ANKRD31: variants seen among roughly 807,000 people sequenced by gnomAD.
ANKRD31 encodes ankyrin repeat domain-containing protein 31.
A neutral mutation model predicts 186.0 loss-of-function variants in ANKRD31; 147 were observed. The observed-to-expected ratio is 0.79, with a 90% CI of 0.69 to 0.91. ANKRD31 has a LOEUF of 0.91. ANKRD31 is among the 40% of genes least tolerant of loss of function. The pLI is 0.00. For synonymous variants in ANKRD31, 673 were observed against 736.4 expected (o/e 0.91, Z 1.39); for missense variants, 1,986 against 2,148.8 (o/e 0.92, Z 1.50).
chr5:75,194,361 A>C (rs889394340), intron 7 of ANKRD31, among the ~76,000 whole-genome samples: 7 of 149,196 alleles, frequency 4.7e-5, no homozygotes, highest in African/African-American at 1.8e-4. Context: ...CACTTTACTC[A>C]TATTCCCTCT....
rs1324138188 is a variant in ANKRD31, at chr5:75,195,950, C to T, written c.698G>A (p.Ser233Asn). 2.0e-6 allele frequency: 3 copies of T among 1,533,048 alleles called. No homozygotes were observed. The highest frequency in any genetic ancestry group is 2.6e-6 in the Non-Finnish European group (3 of 1,144,946). The allele number at this position is 1,533,048 out of a possible 1,614,324, so 95.0% of individuals were successfully genotyped here. The part of the protein sequence containing the change: ...ALESLLTSPE[S>N]TQEERLFELV... Reference sequence around the variant, plus strand: ...TTCAAACAATCTTTCCTCCTGGGTGCTTTCTGGTGATGTAAGTAAACTTTC... The same window carrying T: ...TTCAAACAATCTTTCCTCCTGGGTGTTTTCTGGTGATGTAAGTAAACTTTC... Residue 233 changes from serine to asparagine, a missense_variant, in exon 7 of 26, where the codon AGC becomes AAC. By Grantham distance (46) the Ser-to-Asn change is conservative. Transcript: ENST00000506364.
chr5:75,211,901 C>A (rs1196605089), intron 3 of ANKRD31, among the ~76,000 whole-genome samples: 3 of 151,960 alleles, frequency 2.0e-5, no homozygotes, highest in African/African-American at 7.3e-5. Flanking sequence ...ACATGATTTG[C>A]AAATATTTTC....
chr5:75,096,605 G>A (rs1032769674), intron 22 of ANKRD31, among the ~76,000 whole-genome samples: 8 of 152,038 alleles, frequency 5.3e-5, no homozygotes, highest in Non-Finnish European at 1.0e-4. Context: ...GCCCCAAGTG[G>A]TATTGCCTAG....
At chr5:75,190,922 C>A (rs1755067658) in intron 9 of ANKRD31, among the ~76,000 whole-genome samples, 2 of 151,844 alleles carry the variant, frequency 1.3e-5, no homozygotes, top group African/African-American at 4.8e-5. Context: ...GCTAATATTT[C>A]TTAGCTATTT....
chr5:75,106,192 G>A (rs999402525), intron 21 of ANKRD31, among the ~76,000 whole-genome samples: 3 of 151,992 alleles, frequency 2.0e-5, no homozygotes, highest in Non-Finnish European at 4.4e-5. Flanking sequence ...GTACATTCAC[G>A]AGAGAATGAG....
chr5:75,235,241 C>CTTTTTT (rs35626841), intron 1 of ANKRD31, among the ~76,000 whole-genome samples: 8 of 99,890 alleles, frequency 8.0e-5, no homozygotes, highest in South Asian at 3.5e-4. Flanking sequence ...CTTGCTGGTA[C>CTTTTTT]TTTTTTTTTT....
At chr5:75,165,912 T>C (rs1367944391) in intron 11 of ANKRD31, among the ~76,000 whole-genome samples, 1 of 152,200 alleles carries the variant, frequency 6.6e-6, no homozygotes, top group African/African-American at 2.4e-5. Flanking sequence ...TAAAAACACA[T>C]ATTTTAGATA....
At chr5:75,222,224 T>C in intron 3 of ANKRD31, 25 bp downstream of exon 3, 1 of 1,474,362 alleles carries the variant, frequency 6.8e-7, no homozygotes. Flanking sequence ...TTAATGAGTA[T>C]GTATTCAATC....
At chr5:75,136,642 G>A (rs1344140165) in intron 17 of ANKRD31, among the ~76,000 whole-genome samples, 3 of 152,186 alleles carry the variant, frequency 2.0e-5, no homozygotes, top group Non-Finnish European at 2.9e-5. Context: ...AATACCATTT[G>A]ACCTAGCCAT....
chr5:75,203,666 A>AC (rs1440761789), intron 5 of ANKRD31, among the ~76,000 whole-genome samples: 1 of 147,508 alleles, frequency 6.8e-6, no homozygotes, highest in Non-Finnish European at 1.5e-5. Context: ...CCATCTCAAA[A>AC]AAAAAAAAAA....
At chr5:75,199,556 T>A (rs1351985021) in intron 6 of ANKRD31, 75 bp downstream of exon 6, 2 of 1,222,446 alleles carry the variant, frequency 1.6e-6, no homozygotes, top group East Asian at 2.8e-5. Context: ...ATGAGCTTGA[T>A]ACTTTAATCG....
chr5:75,223,413 T>A (rs1757423717), intron 2 of ANKRD31, among the ~76,000 whole-genome samples: 1 of 152,192 alleles, frequency 6.6e-6, no homozygotes. Context: ...AATTCCTTTT[T>A]AAATTCATTT....
chr5:75,109,794 T>C (rs543967424), intron 20 of ANKRD31, among the ~76,000 whole-genome samples: 1 of 151,888 alleles, frequency 6.6e-6, no homozygotes, highest in Admixed American at 6.6e-5. Flanking sequence ...AGGGCTTCCA[T>C]CTGAGAGTGA....
chr5:75,119,445 C>T (rs1374603348), intron 17 of ANKRD31, among the ~76,000 whole-genome samples: 2 of 152,164 alleles, frequency 1.3e-5, no homozygotes, highest in African/African-American at 4.8e-5. Flanking sequence ...TTGTTTATGG[C>T]TGCATAGTAT....
chr5:75,078,831 A>T (rs1003723294), intron 25 of ANKRD31, among the ~76,000 whole-genome samples: 2 of 152,224 alleles, frequency 1.3e-5, no homozygotes, highest in African/African-American at 2.4e-5. Context: ...TCCCTCAATA[A>T]CACAGAAGAG....
intron 10 of ANKRD31, among the ~76,000 whole-genome samples, chr5:75,179,710 T>G (rs1561510074): frequency 6.6e-6 from 1 of 152,132 alleles, no homozygotes; most frequent in South Asian, 2.1e-4. Context: ...TCTCAATAAA[T>G]TAGGTATTGA....
chr5:75,136,034 T>A, intron 17 of ANKRD31, among the ~76,000 whole-genome samples: 1 of 152,212 alleles, frequency 6.6e-6, no homozygotes, highest in East Asian at 1.9e-4. Flanking sequence ...GATTAAAGAC[T>A]TAAATGTAGA....
chr5:75,161,643 T>C (rs1050522755), intron 11 of ANKRD31, among the ~76,000 whole-genome samples: 1 of 152,112 alleles, frequency 6.6e-6, no homozygotes, highest in African/African-American at 2.4e-5. Context: ...ATGACAGAGA[T>C]CTTCACAGCA....
intron 4 of ANKRD31, 96 bp from the exon 5 acceptor site, chr5:75,206,583 G>C: frequency 1.8e-6 from 1 of 566,840 alleles, no homozygotes. Flanking sequence ...CACTTAAAGG[G>C]CTTTCCAAAT....
Sources: gnomAD v4.1 joint callset for allele counts (sites outside exome capture counted in the v4.1 genomes callset) on GRCh38, gnomAD v4.1.1 for gene constraint, MANE v1.5 for transcripts, NCBI Gene and HGNC (gene_info 2026-07-23, HGNC 2026-07-21) for gene names.